Variants in CASK observed in about 807,000 individuals in gnomAD.
CASK encodes peripheral plasma membrane protein CASK.
Under a neutral mutation model 82.9 loss-of-function variants are expected in CASK, and 4 were observed. The ratio of observed to expected loss-of-function variants is 0.05; its 90% confidence interval spans 0.02 to 0.11. The LOEUF (loss-of-function observed/expected upper bound fraction) is 0.11. Ranked by LOEUF, CASK falls within the 10% of genes least tolerant of loss-of-function variation. The pLI is 1.00. For missense variants in CASK, 358 were observed against 720.9 expected, an observed-to-expected ratio of 0.50 and a Z score of 5.76; for synonymous variants, 259 against 253.5, an observed-to-expected ratio of 1.02 and a Z score of -0.20.
chrX:41,633,808 G>A (rs973511421), intron 9 of CASK, among the ~76,000 whole-genome samples: 1 of 108,284 alleles, frequency 9.2e-6, no homozygotes, highest in African/African-American at 3.4e-5. Flanking sequence ...CACCCAGGCT[G>A]GAGTGCAGTG....
chrX:41,725,134 TA>T (rs1303929008), intron 5 of CASK, among the ~76,000 whole-genome samples: 2 of 111,873 alleles, frequency 1.8e-5, no homozygotes, highest in African/African-American at 6.5e-5. Flanking sequence ...GACTGTTTTC[TA>T]AATAAAAATA....
At chrX:41,602,716 C>A (rs12014873) in intron 12 of CASK, among the ~76,000 whole-genome samples, 1 of 99,032 alleles carries the variant, frequency 1.0e-5, no homozygotes, top group Non-Finnish European at 2.0e-5. Context: ...ATATGCTTAG[C>A]GGCTTTTTTT....
intron 5 of CASK, among the ~76,000 whole-genome samples, chrX:41,703,749 G>C (rs754251775): frequency 8.9e-6 from 1 of 112,384 alleles, no homozygotes; most frequent in South Asian, 3.6e-4. Flanking sequence ...TACATTTTCA[G>C]CTTATCTCAG....
intron 5 of CASK, among the ~76,000 whole-genome samples, chrX:41,733,469 C>A (rs1295739203): frequency 9.0e-6 from 1 of 111,585 alleles, no homozygotes; most frequent in African/African-American, 3.3e-5. Context: ...AGAATAGTGG[C>A]TGGGCACGGT....
At chrX:41,674,516 TGCCATAC>T (rs1449960772) in intron 5 of CASK, among the ~76,000 whole-genome samples, 1 of 111,441 alleles carries the variant, frequency 9.0e-6, no homozygotes, top group Non-Finnish European at 1.9e-5. Context: ...AGTTAGAAAA[TGCCATAC>T]GCCAAAATTT....
chrX:41,609,646 G>C (rs1483944705), intron 12 of CASK, among the ~76,000 whole-genome samples: 10 of 108,816 alleles, frequency 9.2e-5, no homozygotes, highest in African/African-American at 3.4e-4. Context: ...CGCCTCCCGG[G>C]TTCAAGTGAT....
chrX:41,914,459 T>C (rs991708422), intron 1 of CASK, among the ~76,000 whole-genome samples: 1 of 112,516 alleles, frequency 8.9e-6, no homozygotes, highest in African/African-American at 3.2e-5. Flanking sequence ...TCGTTTCTTA[T>C]TGTGAATGGA....
intron 2 of CASK, among the ~76,000 whole-genome samples, chrX:41,812,158 G>T (rs2070303608): frequency 9.0e-6 from 1 of 111,674 alleles, no homozygotes; most frequent in Non-Finnish European, 1.9e-5. Flanking sequence ...TCTACCAGAG[G>T]TACAAGGAGG....
At position 41,752,037 on chromosome X, in the gene CASK, C is replaced by A. The variant is rs1190050982; in HGVS notation, c.279-6436G>T. Among the ~76,000 whole-genome samples the A allele has an allele frequency of 6.8e-5, 7 of 103,448 alleles. No individual in the cohort carries two copies. The Admixed American group carries it at 7.3e-4, about 11-fold the overall frequency. 89.8% of individuals were successfully genotyped at this position (103,448 alleles called of 115,157 possible). A position where few individuals can be genotyped will look rare whatever the true frequency, so the allele number is the denominator to read the frequency against. ...CTCCAGCCTGGGCAACAGAGCAAGACCCCATCCCCACCCACCAAAAAAAAA... is the reference window on the plus strand; with the variant it reads ...CTCCAGCCTGGGCAACAGAGCAAGAACCCATCCCCACCCACCAAAAAAAAA... On this transcript the variant is annotated intron_variant, in intron 3 of 26. Transcript: ENST00000378163.
chrX:41,780,614 C>T (rs1297864717), intron 3 of CASK, among the ~76,000 whole-genome samples: 1 of 111,275 alleles, frequency 9.0e-6, no homozygotes, highest in African/African-American at 3.3e-5. Context: ...ACTTATAAAC[C>T]ATTTGTGATT....
At chrX:41,636,700 T>TA (rs768263962) in intron 8 of CASK, 39 bp from the exon 9 acceptor site, 5 of 861,864 alleles carry the variant, frequency 5.8e-6, no homozygotes, top group Admixed American at 2.3e-5. Flanking sequence ...TATAACCGTT[T>TA]AAAAAAGTGC....
intron 1 of CASK, among the ~76,000 whole-genome samples, chrX:41,864,115 T>C (rs189338031): frequency 6.6e-4 from 74 of 111,683 alleles, no homozygotes; most frequent in African/African-American, 2.4e-3. Context: ...TTTAAAACCA[T>C]GTTTTAAAGA....
intron 8 of CASK, among the ~76,000 whole-genome samples, chrX:41,645,770 C>T (rs899308949): frequency 9.2e-6 from 1 of 108,355 alleles, no homozygotes; most frequent in African/African-American, 3.3e-5. Flanking sequence ...CACTCAATCT[C>T]GCTTACACTA....
rs771465061 is a variant in CASK at position 41,848,145 on chromosome X, T to C, written c.172+4970A>G. ...TCAGGCAGCAATGAAATTAAACAACTACCTCTAAAGGTTTTTGGCAAATGC... is the reference window on the plus strand; with the variant it reads ...TCAGGCAGCAATGAAATTAAACAACCACCTCTAAAGGTTTTTGGCAAATGC... On this transcript the variant is annotated intron_variant, in intron 2 of 26. Coordinates refer to ENST00000378163, the MANE Select transcript of CASK (RefSeq NM_001367721.1). 3.6e-4 allele frequency among the ~76,000 whole-genome samples: 41 copies of C among 112,579 alleles called. 1 individual carries two copies. Among genetic ancestry groups the C allele is most frequent in the Non-Finnish European group, 6.9e-4 (37 of 53,315 alleles).
intron 5 of CASK, chrX:41,727,686 A>G (rs1397912694): frequency 8.4e-7 from 1 of 1,195,010 alleles, no homozygotes; most frequent in Admixed American, 2.2e-5. Context: ...TACTAACATC[A>G]TACTACTCTT....
intron 4 of CASK, among the ~76,000 whole-genome samples, chrX:41,741,366 T>C (rs147282418): frequency 0.015 from 1,657 of 112,041 alleles, 21 homozygotes; most frequent in Middle Eastern, 0.028. Context: ...TATTGTTAAG[T>C]TCAATCAAAG....
chrX:41,737,330 G>A (rs950172696), intron 5 of CASK, among the ~76,000 whole-genome samples: 1 of 112,037 alleles, frequency 8.9e-6, no homozygotes, highest in African/African-American at 3.2e-5. Context: ...AAACAGAATT[G>A]AGCAGTCCTA....
intron 5 of CASK, among the ~76,000 whole-genome samples, chrX:41,710,081 T>TGTGTGTGTGTGTGTGTG (rs2067947788): frequency 1.4e-5 from 1 of 72,185 alleles, no homozygotes; most frequent in Non-Finnish European, 2.6e-5. Flanking sequence ...GGTATAGATT[T>TGTGTGTGTGTGTGTGTG]TGTGTGTGTG....
intron 2 of CASK, among the ~76,000 whole-genome samples, chrX:41,846,559 T>C (rs889521774): frequency 1.8e-5 from 2 of 110,993 alleles, no homozygotes; most frequent in African/African-American, 6.6e-5. Context: ...TCAAAAATAA[T>C]TTAATAATTT....
Sources: gnomAD v4.1 joint callset for allele counts (sites outside exome capture counted in the v4.1 genomes callset) on GRCh38, gnomAD v4.1.1 for gene constraint, MANE v1.5 for transcripts, NCBI Gene and HGNC (gene_info 2026-07-23, HGNC 2026-07-21) for gene names.